AHR: variants seen among roughly 807,000 people sequenced by gnomAD.
AHR encodes the protein aryl hydrocarbon receptor, also known as AH-receptor.
In AHR, 40 loss-of-function variants were observed where a neutral mutation model predicts 86.8. That is an observed-to-expected ratio of 0.46 (90% confidence interval 0.36 to 0.60). AHR has a LOEUF of 0.60. Among genes scored for constraint, AHR ranks in the 20% least tolerant of loss-of-function variants. The pLI, the probability that AHR is intolerant of heterozygous loss-of-function variation, is 0.00. For missense variants in AHR, 1,001 were observed against 1,011.6 expected, an observed-to-expected ratio of 0.99 and a Z score of 0.14; for synonymous variants, 398 against 354.9, an observed-to-expected ratio of 1.12 and a Z score of -1.37.
In AHR at chr7:17,339,067, T is replaced by C. The variant is rs1169257372; in HGVS notation, c.1242T>C (p.Tyr414=). The change falls in exon 10 of 11, where the codon TAT becomes TAC. Residue 414 remains tyrosine (Y), a synonymous_variant. Transcript: ENST00000242057. ...TTACCACTGGAGAAGCTGTGTTGTA[T>C]GAGGCAACCAACCCTTTTCCTGCCA... is the stretch of plus-strand genomic sequence containing the variant. ...FMFTTGEAVL[Y]EATNPFPAIM... 2.5e-6 allele frequency: 4 copies of C among 1,614,176 alleles called. No homozygotes were observed. Among genetic ancestry groups the C allele is most frequent in the Non-Finnish European group, 3.4e-6 (4 of 1,180,024 alleles).
At chr7:17,335,532 T>G in intron 8 of AHR, 113 bp from the exon 9 acceptor site, 1 of 847,910 alleles carries the variant, frequency 1.2e-6, no homozygotes, top group Non-Finnish European at 1.7e-6. Context: ...TTTATTGTCT[T>G]TGGGGATAAA....
intron 1 of AHR, among the ~76,000 whole-genome samples, chr7:17,303,676 A>G (rs987844642): frequency 2.6e-5 from 4 of 151,932 alleles, no homozygotes; most frequent in Non-Finnish European, 4.4e-5. Context: ...TTTATTCCCA[A>G]CCATTTAATA....
rs1412423132 is a variant in AHR, at chr7:17,335,979, G to C, written c.1160+193G>C. The C allele has an allele frequency of 9.3e-6, 5 of 540,056 alleles. No homozygotes were observed. In the Admixed American group the frequency reaches 1.1e-4, roughly 12 times the overall value. 33.5% of individuals were successfully genotyped at this position (540,056 alleles called of 1,614,324 possible). ...ACGAACTTGATTGAGAGCTACATGT[G>C]CAGAGCTATAGAAAGAATAATAAAA... is the stretch of plus-strand genomic sequence containing the variant. On this transcript the variant is annotated intron_variant, in intron 9 of 10. Transcript: ENST00000242057.
At chr7:17,322,967 T>TA (rs1224459058) in intron 3 of AHR, among the ~76,000 whole-genome samples, 1 of 152,040 alleles carries the variant, frequency 6.6e-6, no homozygotes. Context: ...CTTGGAGCAA[T>TA]AAGTTATACT....
Position 17,343,986 on chromosome 7 carries a change from C to T in AHR, c.*922C>T, listed in dbSNP as rs1036736120. 1 of 152,350 alleles carries T rather than the reference C, an allele frequency of 6.6e-6. No homozygotes were observed. The highest frequency in any genetic ancestry group is 2.1e-4 in the South Asian group (1 of 4,808). The allele number at this position is 152,350 out of a possible 1,614,324, so 9.4% of individuals were successfully genotyped here. A position where few individuals can be genotyped will look rare whatever the true frequency, so the allele number is the denominator to read the frequency against. ...GTGTTTTCAGAAGAAATAAATATAC[C>T]ACTCTTTACCTTTATTGATATCTCC... On this transcript the variant is annotated 3_prime_UTR_variant, in exon 11 of 11. Coordinates refer to ENST00000242057, the MANE Select transcript of AHR (RefSeq NM_001621.5).
intron 1 of AHR, among the ~76,000 whole-genome samples, chr7:17,299,954 G>A (rs760466881): frequency 6.6e-6 from 1 of 152,178 alleles, no homozygotes; most frequent in African/African-American, 2.4e-5. Flanking sequence ...TGGATGCAAC[G>A]GACAGGATAC....
At chr7:17,342,794 A>G (rs1782439724) in intron 10 of AHR, 127 bp from the exon 11 acceptor site, 1 of 850,204 alleles carries the variant, frequency 1.2e-6, no homozygotes, top group East Asian at 2.6e-5. Flanking sequence ...ATTTAGCAAC[A>G]GTAAAGGAAC....
rs145249237 is a variant in AHR at position 17,335,696 on chromosome 7, A to G, written c.1070A>G (p.Asn357Ser). The G allele has an allele frequency of 2.9e-5, 47 of 1,605,790 alleles. No homozygotes were observed. In the Middle Eastern group the frequency reaches 9.9e-4, roughly 34 times the overall value. Residue 357 changes from asparagine (N) to serine (S), a missense_variant, in exon 9 of 11, where the codon AAC becomes AGC. Physicochemically the swap from Asn to Ser is conservative, Grantham distance 46. This residue lies in a region of AHR where 394 missense variants were observed against 468.5 expected (regional missense o/e 0.84). Transcript: ENST00000242057. ...ATAGTTTTCCGGCTTCTTACAAAAA[A>G]CAACCGATGGACTTGGGTCCAGTCT... Reference protein sequence around the residue: ...GMIVFRLLTKNNRWTWVQSNA... With the variant: ...GMIVFRLLTKSNRWTWVQSNA...
chr7:17,306,826 C>T (rs998590748), intron 1 of AHR, among the ~76,000 whole-genome samples: 3 of 152,118 alleles, frequency 2.0e-5, no homozygotes, highest in Non-Finnish European at 4.4e-5. Flanking sequence ...CCTTTCTTAA[C>T]CTCACTGTCA....
intron 2 of AHR, among the ~76,000 whole-genome samples, chr7:17,320,794 T>G (rs1264956118): frequency 6.6e-6 from 1 of 152,134 alleles, no homozygotes; most frequent in Non-Finnish European, 1.5e-5. Context: ...AACTGTTAGG[T>G]CAGTTTACCT....
intron 2 of AHR, 69 bp downstream of exon 2, chr7:17,310,192 C>T: frequency 7.2e-7 from 1 of 1,398,092 alleles, no homozygotes; most frequent in Non-Finnish European, 9.7e-7. Flanking sequence ...ATAGCTGTTT[C>T]TGTGTTAATA....
intron 6 of AHR, among the ~76,000 whole-genome samples, chr7:17,332,269 CATT>C (rs1782304745): frequency 6.6e-6 from 1 of 151,720 alleles, no homozygotes; most frequent in Non-Finnish European, 1.5e-5. Context: ...TACTATTAAT[CATT>C]ATTTTACTTT....
chr7:17,313,566 A>G (rs372378708), intron 2 of AHR, among the ~76,000 whole-genome samples: 2 of 152,152 alleles, frequency 1.3e-5, no homozygotes, highest in African/African-American at 2.4e-5. Context: ...AACCATGACT[A>G]TACTGCTGCT....
chr7:17,339,984 C>G lies in AHR; in HGVS notation c.2159C>G (p.Pro720Arg), dbSNP rs369817097. 15 of 1,614,076 alleles carry G rather than the reference C, an allele frequency of 9.3e-6. No homozygotes were observed. Among genetic ancestry groups the G allele is most frequent in the African/African-American group, 1.3e-5 (1 of 74,928 alleles). The stretch of plus-strand genomic sequence containing the variant: ...TCCAAATGTACAGAGCTGGACTACC[C>G]TATGGGGAGTTTTGAACCATCCCCA... ...QHSKCTELDY[P>R]MGSFEPSPYP... The change falls in exon 10 of 11, where the codon CCT (proline) becomes CGT (arginine). Residue 720 changes from proline to arginine, a missense_variant. Transcript: ENST00000242057.
chr7:17,318,233 A>C (rs537588796), intron 2 of AHR, among the ~76,000 whole-genome samples: 5 of 152,112 alleles, frequency 3.3e-5, no homozygotes, highest in African/African-American at 1.2e-4. Context: ...TTTTTCCTTG[A>C]CCAATTCAAA....
chr7:17,330,649 TCAGAA>T, intron 5 of AHR, 102 bp from the exon 6 acceptor site: 1 of 1,004,830 alleles, frequency 1.0e-6, no homozygotes, highest in Non-Finnish European at 1.4e-6. Context: ...TTTTTTGTAT[TCAGAA>T]CACAGACTCC....
chr7:17,332,486 T>C (rs1455266286), intron 6 of AHR, among the ~76,000 whole-genome samples: 3 of 151,864 alleles, frequency 2.0e-5, no homozygotes, highest in African/African-American at 7.2e-5. Flanking sequence ...GATAGGATCA[T>C]TAATGATCCT....
Position 17,339,984 on chromosome 7 carries a change from C to T in AHR, c.2159C>T (p.Pro720Leu), listed in dbSNP as rs369817097. ...QHSKCTELDY[P>L]MGSFEPSPYP... ...TCCAAATGTACAGAGCTGGACTACC[C>T]TATGGGGAGTTTTGAACCATCCCCA... is the stretch of plus-strand genomic sequence containing the variant. The change falls in exon 10 of 11, where the codon CCT becomes CTT. Residue 720 changes from proline to leucine, a missense_variant. Around this residue, in one of 2 missense-constraint regions of AHR, gnomAD observed 607 missense variants for 543.1 expected, o/e 1.12. Transcript: ENST00000242057. 6.2e-7 allele frequency: 1 copy of T among 1,614,076 alleles called. No homozygotes were observed. The highest frequency in any genetic ancestry group is 8.5e-7 in the Non-Finnish European group (1 of 1,180,034).
chr7:17,326,263 G>C (rs1584037381), intron 3 of AHR, among the ~76,000 whole-genome samples: 1 of 152,286 alleles, frequency 6.6e-6, no homozygotes, highest in African/African-American at 2.4e-5. Context: ...TTGTAGTCAA[G>C]TTCTTAGAAG....
Sources: gnomAD v4.1 joint callset for allele counts (sites outside exome capture counted in the v4.1 genomes callset) on GRCh38, gnomAD v4.1.1 for gene constraint, gnomAD v4.1.1 regional missense constraint, MANE v1.5 for transcripts, NCBI Gene and HGNC (gene_info 2026-07-23, HGNC 2026-07-21) for gene names.